The following OSGIN2 variants were observed in gnomAD, a reference collection of about 807,000 sequenced individuals.
OSGIN2 encodes the protein oxidative stress-induced growth inhibitor 2.
In OSGIN2, 19 loss-of-function variants were observed where a neutral mutation model predicts 53.8. That is an observed-to-expected ratio of 0.35 (90% confidence interval 0.25 to 0.52). The LOEUF (loss-of-function observed/expected upper bound fraction) is 0.52, where lower values mean the gene tolerates loss of function less well. Ranked by LOEUF, OSGIN2 falls within the 20% of genes least tolerant of loss-of-function variation. OSGIN2 has a pLI of 0.95. For missense variants in OSGIN2, 520 were observed against 662.7 expected (o/e 0.78, Z 2.36); for synonymous variants, 236 against 236.0 (o/e 1.00, Z 0.00).
intron 5 of OSGIN2, among the ~76,000 whole-genome samples, chr8:89,922,693 C>G (rs1809231816): frequency 6.6e-6 from 1 of 152,120 alleles, no homozygotes; most frequent in Non-Finnish European, 1.5e-5. Flanking sequence ...ATTTTCCATT[C>G]TGTAAAATGG....
chr8:89,902,972 G>T (rs1262410905), intron 1 of OSGIN2, 135 bp downstream of exon 1: 1 of 417,774 alleles, frequency 2.4e-6, no homozygotes, highest in Admixed American at 5.0e-5. Context: ...CGGCCGTCCT[G>T]CCTGGCGTGG....
chr8:89,905,269 CAATAG>C (rs2130686968), intron 1 of OSGIN2, among the ~76,000 whole-genome samples: 1 of 152,272 alleles, frequency 6.6e-6, no homozygotes, highest in South Asian at 2.1e-4. Flanking sequence ...TGCTTCCTAA[CAATAG>C]AGTAACTAAT....
At position 89,925,357 on chromosome 8, in the gene OSGIN2, C is replaced by T. The variant is rs1179108759; in HGVS notation, c.1475C>T (p.Thr492Ile). Reference sequence around the variant, plus strand: ...AAGGGTAATCCTGTGGAAATAGATACATATACCTATGAGTGTATTAAAGAA... The same window carrying T: ...AAGGGTAATCCTGTGGAAATAGATATATATACCTATGAGTGTATTAAAGAA... ...TCKGNPVEID[T>I]YTYECIKEAN... is the part of the protein sequence containing the mutation. The change falls in exon 6 of 6, where the codon ACA (threonine) becomes ATA (isoleucine). Residue 492 changes from threonine (T) to isoleucine (I), a missense_variant. Transcript: ENST00000451899. The T allele has an allele frequency of 1.9e-6, 3 of 1,614,048 alleles. No individual in the cohort carries two copies. Among genetic ancestry groups the T allele is most frequent in the South Asian group, 2.2e-5 (2 of 91,086 alleles).
Position 89,924,614 on chromosome 8 carries a change from C to A in OSGIN2, c.732C>A (p.Ser244=). 6.2e-7 allele frequency: 1 copy of A among 1,613,604 alleles called. No individual in the cohort carries two copies. Among genetic ancestry groups the A allele is most frequent in the Non-Finnish European group, 8.5e-7 (1 of 1,179,614 alleles). ...TCAGAGAGAATACTTACATAACTTC[C>A]GTATCAAGACTCTACAGAGATCAAG... is the stretch of plus-strand genomic sequence containing the variant. ...KNFRENTYIT[S]VSRLYRDQDD... Residue 244 remains serine, a synonymous_variant, in exon 6 of 6, where the codon TCC becomes TCA. Coordinates refer to ENST00000451899, the MANE Select transcript of OSGIN2 (RefSeq NM_001126111.3).
chr8:89,915,178 ATT>A (rs1809052303), intron 4 of OSGIN2, among the ~76,000 whole-genome samples: 1 of 152,240 alleles, frequency 6.6e-6, no homozygotes, highest in South Asian at 2.1e-4. Flanking sequence ...ATGCCATAGA[ATT>A]GATGGCTTAA....
upstream of OSGIN2, chr8:89,902,495 C>G (rs1004564349): frequency 1.3e-5 from 2 of 152,982 alleles, no homozygotes; most frequent in African/African-American, 4.8e-5. Context: ...AGGAGGGGCC[C>G]GCGCGCCGCT....
intron 3 of OSGIN2, 67 bp downstream of exon 3, chr8:89,914,280 A>G: frequency 8.3e-7 from 1 of 1,209,336 alleles, no homozygotes; most frequent in African/African-American, 1.6e-5. Context: ...TTTTATTTAT[A>G]TGAACTTTCT....
At chr8:89,919,426 A>G (rs1380565549) in intron 4 of OSGIN2, among the ~76,000 whole-genome samples, 1 of 152,206 alleles carries the variant, frequency 6.6e-6, no homozygotes, top group Non-Finnish European at 1.5e-5. Flanking sequence ...CATATAGGCC[A>G]GCAGCTCCCA....
chr8:89,927,683 T>G lies in OSGIN2; in HGVS notation c.*2151T>G, dbSNP rs549385974. 41 of 152,342 alleles carry G rather than the reference T, an allele frequency of 2.7e-4. No homozygotes were observed. The highest frequency in any genetic ancestry group is 9.6e-4 in the African/African-American group (40 of 41,578). The allele number at this position is 152,342 out of a possible 1,614,324, so 9.4% of individuals were successfully genotyped here. On this transcript the variant is annotated 3_prime_UTR_variant, in exon 6 of 6. Coordinates refer to ENST00000451899, the MANE Select transcript of OSGIN2 (RefSeq NM_001126111.3). ...GTTTACAAAGCAGAATTTGGGGATT[T>G]AAAGTGCAATGATACAACAAAAAGA...
At chr8:89,908,903 C>T (rs1794709742) in intron 1 of OSGIN2, among the ~76,000 whole-genome samples, 1 of 148,242 alleles carries the variant, frequency 6.7e-6, no homozygotes, top group Non-Finnish European at 1.5e-5. Flanking sequence ...CCTGGCTACT[C>T]TGGAGGCTGA....
intron 2 of OSGIN2, among the ~76,000 whole-genome samples, chr8:89,912,790 GATGGCTTGGAGGTT>G (rs1808997442): frequency 6.6e-6 from 1 of 151,892 alleles, no homozygotes; most frequent in Non-Finnish European, 1.5e-5. Context: ...GATCCCTCCT[GATGGCTTGGAGGTT>G]AGGGTTTTTC....
chr8:89,923,267 C>A (rs977257377), intron 5 of OSGIN2, among the ~76,000 whole-genome samples: 1 of 152,098 alleles, frequency 6.6e-6, no homozygotes, highest in Admixed American at 6.6e-5. Flanking sequence ...CTTTATAATC[C>A]TTTATGGGAC....
rs1202721266 is a variant in OSGIN2 at position 89,926,202 on chromosome 8, T to C, written c.*670T>C. 2 of 152,296 alleles carry C rather than the reference T, an allele frequency of 1.3e-5. No homozygotes were observed. The highest frequency in any genetic ancestry group is 4.1e-4 in the South Asian group (2 of 4,838). The allele number at this position is 152,296 out of a possible 1,614,324, so 9.4% of individuals were successfully genotyped here. ...CTAATTTATTACCAAATAGGGTCTT[T>C]TAAAAAATATTTTTATCGTTGAAAC... is the stretch of plus-strand genomic sequence containing the variant. On this transcript the variant is annotated 3_prime_UTR_variant, in exon 6 of 6. Transcript: ENST00000451899.
At chr8:89,912,764 A>T (rs529818050) in intron 2 of OSGIN2, among the ~76,000 whole-genome samples, 1 of 151,876 alleles carries the variant, frequency 6.6e-6, no homozygotes, top group Admixed American at 6.6e-5. Flanking sequence ...AACACAACGA[A>T]AAAAACAAAA....
chr8:89,921,934 G>A (rs190650646), intron 5 of OSGIN2, among the ~76,000 whole-genome samples: 79 of 151,894 alleles, frequency 5.2e-4, no homozygotes, highest in Non-Finnish European at 6.0e-4. Context: ...AGCCGAAATC[G>A]CGCCACTGGA....
chr8:89,908,359 A>G (rs900165832), intron 1 of OSGIN2, among the ~76,000 whole-genome samples: 3 of 152,182 alleles, frequency 2.0e-5, no homozygotes, highest in African/African-American at 7.2e-5. Context: ...CTTTGCTTCA[A>G]GAAAGCTCTC....
chr8:89,921,201 G>A (rs367615647), intron 5 of OSGIN2, 30 bp downstream of exon 5: 5 of 1,283,894 alleles, frequency 3.9e-6, no homozygotes, highest in South Asian at 1.3e-5. Context: ...AAAATTCTTT[G>A]GTGTACGTTG....
At chr8:89,907,623 G>C (rs1271122416) in intron 1 of OSGIN2, among the ~76,000 whole-genome samples, 2 of 152,162 alleles carry the variant, frequency 1.3e-5, no homozygotes, top group Non-Finnish European at 2.9e-5. Flanking sequence ...CTATGTGTCT[G>C]TTTTTGTACC....
chr8:89,923,895 A>C (rs1478439274), intron 5 of OSGIN2, among the ~76,000 whole-genome samples: 1 of 141,862 alleles, frequency 7.0e-6, no homozygotes. Flanking sequence ...CAAGTTTTTC[A>C]TAACAGTTAT....
Sources: allele counts gnomAD v4.1 joint callset (sites outside exome capture counted in the v4.1 genomes callset), GRCh38; gene constraint gnomAD v4.1.1; transcripts MANE v1.5; gene names NCBI Gene and HGNC (gene_info 2026-07-23, HGNC 2026-07-21).